Variants in C2CD3 observed in about 807,000 individuals in gnomAD.
C2CD3 encodes C2 domain-containing protein 3.
C2CD3 carries 148 observed loss-of-function variants against 234.0 expected under a neutral mutation model. The ratio of observed to expected loss-of-function variants is 0.63; its 90% CI spans 0.55 to 0.72. The LOEUF (loss-of-function observed/expected upper bound fraction) is 0.72, where lower values mean the gene tolerates loss of function less well. Among genes scored for constraint, C2CD3 ranks in the 30% least tolerant of loss-of-function variants. C2CD3 has a pLI of 0.00. For missense variants in C2CD3, 2,577 were observed against 2,811.5 expected (o/e 0.92, Z 1.89); for synonymous variants, 1,000 against 1,035.4 (o/e 0.97, Z 0.66).
chr11:74,169,805 G>A (rs1398380695), intron 1 of C2CD3, among the ~76,000 whole-genome samples: 3 of 152,172 alleles, frequency 2.0e-5, no homozygotes, highest in Non-Finnish European at 4.4e-5. Flanking sequence ...AGGAAAGTCA[G>A]TATCTCAAAA....
At chr11:74,155,343 C>T (rs1855939695) in intron 3 of C2CD3, among the ~76,000 whole-genome samples, 1 of 152,176 alleles carries the variant, frequency 6.6e-6, no homozygotes, top group Admixed American at 6.5e-5. Flanking sequence ...AATAGTCTGG[C>T]AGTTCCTTAA....
intron 28 of C2CD3, among the ~76,000 whole-genome samples, chr11:74,044,726 GT>G (rs897859758): frequency 2.6e-5 from 4 of 151,868 alleles, no homozygotes; most frequent in Admixed American, 1.3e-4. Context: ...TCCTTTAGTA[GT>G]CCCTAGTTTC....
intron 32 of C2CD3, among the ~76,000 whole-genome samples, chr11:74,018,887 A>G (rs1484714600): frequency 6.6e-6 from 1 of 151,898 alleles, no homozygotes; most frequent in African/African-American, 2.4e-5. Flanking sequence ...TGTGGTTCTT[A>G]TTACCGATAT....
chr11:74,067,158 G>A (rs981766928), intron 24 of C2CD3, among the ~76,000 whole-genome samples: 1 of 152,118 alleles, frequency 6.6e-6, no homozygotes, highest in South Asian at 2.1e-4. Context: ...TACTTTTTCA[G>A]TCATTTGTAC....
chr11:74,074,000 T>C (rs945105945), intron 24 of C2CD3, among the ~76,000 whole-genome samples: 1 of 152,160 alleles, frequency 6.6e-6, no homozygotes, highest in Admixed American at 6.5e-5. Flanking sequence ...AAGTTAGGGA[T>C]CCGATGATTT....
At chr11:74,062,388 G>A (rs1343860378) in intron 24 of C2CD3, among the ~76,000 whole-genome samples, 5 of 152,140 alleles carry the variant, frequency 3.3e-5, no homozygotes, top group African/African-American at 4.8e-5. Flanking sequence ...AGCACTCCTC[G>A]GCAAATGTAA....
rs776408638 is a variant in C2CD3, at chr11:74,049,542, T to A, written c.5156A>T (p.Asp1719Val). ...GGCAAAGCCAATCACCCTCTCCTCA[T>A]CTGTAGAGGAAAGAGAAGAGCTGGG... The part of the protein sequence containing the change: ...TLVFKVWHKG[D>V]EERVIGFASV... The change falls in exon 27 of 33, where the codon GAT becomes GTT. Residue 1719 changes from aspartate (D) to valine (V), a missense_variant and splice_region_variant. Asp to Val is a radical substitution (Grantham distance 152, BLOSUM62 -3). Coordinates refer to ENST00000334126, the MANE Select transcript of C2CD3 (RefSeq NM_001286577.2). 9 of 1,610,892 alleles carry A rather than the reference T, an allele frequency of 5.6e-6. No homozygotes were observed. The Admixed American group carries it at 1.0e-4, about 18-fold the overall frequency.
chr11:74,041,596 C>A (rs1387180612), intron 29 of C2CD3, among the ~76,000 whole-genome samples: 7 of 152,168 alleles, frequency 4.6e-5, no homozygotes, highest in Non-Finnish European at 8.8e-5. Context: ...TTCCACTGTG[C>A]CACACTTTTC....
intron 31 of C2CD3, among the ~76,000 whole-genome samples, chr11:74,032,490 CCT>C (rs112724005): frequency 0.098 from 14,890 of 152,040 alleles, 1,973 homozygotes; most frequent in African/African-American, 0.31. Context: ...TCAGGTGCCC[CCT>C]GTTCCCATCA....
At chr11:74,113,710 G>T in intron 11 of C2CD3, 70 bp downstream of exon 11, 157 of 754,380 alleles carry the variant, frequency 2.1e-4, no homozygotes, top group Non-Finnish European at 3.2e-4. Flanking sequence ...AGTCAAATGA[G>T]TAATTAGGAA....
In C2CD3 at chr11:74,090,801, A is replaced by T; in HGVS notation, c.3641+12T>A. On this transcript the variant is annotated intron_variant, in intron 20 of 32. Coordinates refer to ENST00000334126, the MANE Select transcript of C2CD3 (RefSeq NM_001286577.2). ...AAAAGGCTTGAGAATTGCTTGTCTC[A>T]GGTGGACTTACTTGGCTGCTGCTTG... 6.2e-7 allele frequency: 1 copy of T among 1,614,050 alleles called. No homozygotes were observed. Among genetic ancestry groups the T allele is most frequent in the Non-Finnish European group, 8.5e-7 (1 of 1,179,954 alleles).
intron 3 of C2CD3, among the ~76,000 whole-genome samples, chr11:74,145,622 G>T (rs1855129851): frequency 6.6e-6 from 1 of 151,952 alleles, no homozygotes; most frequent in Non-Finnish European, 1.5e-5. Context: ...ATGAAATCTT[G>T]CCAGTTCTTA....
At chr11:74,043,449 G>T (rs1953177830) in intron 28 of C2CD3, among the ~76,000 whole-genome samples, 1 of 152,174 alleles carries the variant, frequency 6.6e-6, no homozygotes, top group Non-Finnish European at 1.5e-5. Context: ...AAACATACGT[G>T]TACAAGTTTT....
chr11:74,095,303 A>G lies in C2CD3; in HGVS notation c.3085T>C (p.Cys1029Arg). Residue 1029 changes from cysteine to arginine, a missense_variant, in exon 17 of 33, where the codon TGT becomes CGT. Coordinates refer to ENST00000334126, the MANE Select transcript of C2CD3 (RefSeq NM_001286577.2). ...ACTGGAAAGTAGTACTGGACATAAC[A>G]ATCTGCTTCTCCCCAGACTGTTGCC... ...LQATVWGEAD[C>R]YVQYYFPVQH... 6.2e-7 allele frequency: 1 copy of G among 1,613,882 alleles called. No individual in the cohort carries two copies. The highest frequency in any genetic ancestry group is 8.5e-7 in the Non-Finnish European group (1 of 1,179,814).
In C2CD3 at chr11:74,133,553, C is replaced by T. The variant is rs764599849; in HGVS notation, c.960G>A (p.Leu320=). 2 of 1,613,972 alleles carry T rather than the reference C, an allele frequency of 1.2e-6. No individual in the cohort carries two copies. The highest frequency in any genetic ancestry group is 4.5e-5 in the East Asian group (2 of 44,870). ...TACGCAGTTTATTGCCTTGTTCTAACAGAGCTGAAGAGGGTAAATGCAGAA... is the reference window on the plus strand; with the variant it reads ...TACGCAGTTTATTGCCTTGTTCTAATAGAGCTGAAGAGGGTAAATGCAGAA... ...NLPTKDLLSA[L]LEQGNKLRNA... is the part of the protein sequence containing the mutation. The change falls in exon 6 of 33, where the codon CTG becomes CTA. Residue 320 remains leucine, a synonymous_variant. Transcript: ENST00000334126.
At chr11:74,066,602 G>C (rs950544226) in intron 24 of C2CD3, among the ~76,000 whole-genome samples, 3 of 151,658 alleles carry the variant, frequency 2.0e-5, no homozygotes, top group African/African-American at 7.3e-5. Context: ...AGTAGCTACA[G>C]CTTTGCTTTG....
At chr11:74,083,423 A>G (rs576968895) in intron 22 of C2CD3, among the ~76,000 whole-genome samples, 66 of 152,380 alleles carry the variant, frequency 4.3e-4, no homozygotes, top group Non-Finnish European at 7.6e-4. Context: ...AATGGCAACA[A>G]AAGCCAAAAT....
At chr11:74,144,334 A>G (rs1855016345) in intron 3 of C2CD3, among the ~76,000 whole-genome samples, 1 of 152,190 alleles carries the variant, frequency 6.6e-6, no homozygotes, top group Non-Finnish European at 1.5e-5. Context: ...TAACCCTCAG[A>G]GCAGTTTCAC....
intron 29 of C2CD3, among the ~76,000 whole-genome samples, chr11:74,041,424 C>A (rs1259211867): frequency 6.6e-6 from 1 of 152,118 alleles, no homozygotes; most frequent in African/African-American, 2.4e-5. Context: ...TTTCCAGGAA[C>A]AATCCAGAAT....
Sources: gnomAD v4.1 joint callset for allele counts (sites outside exome capture counted in the v4.1 genomes callset) on GRCh38, gnomAD v4.1.1 for gene constraint, MANE v1.5 for transcripts, NCBI Gene and HGNC (gene_info 2026-07-23, HGNC 2026-07-21) for gene names.